Variants in MTUS1 observed in about 807,000 individuals in gnomAD.
The protein encoded by MTUS1 is microtubule associated scaffold protein 1, also known as microtubule-associated tumor suppressor 1.
MTUS1 carries 109 observed loss-of-function variants against 120.8 expected under a neutral mutation model. The observed-to-expected ratio is 0.90, with a 90% CI of 0.77 to 1.06. The LOEUF (loss-of-function observed/expected upper bound fraction) is 1.06, where lower values mean the gene tolerates loss of function less well. Among genes scored for constraint, MTUS1 ranks in the 50% least tolerant of loss-of-function variants. The pLI is 0.00. For missense variants in MTUS1, 2,210 were observed against 1,486.3 expected (o/e 1.49, Z -8.01); for synonymous variants, 737 against 550.5 (o/e 1.34, Z -4.74).
chr8:17,759,779 G>A (rs527723248), intron 1 of MTUS1, among the ~76,000 whole-genome samples: 4 of 151,412 alleles, frequency 2.6e-5, no homozygotes, highest in South Asian at 2.1e-4. Flanking sequence ...GTTGTGAAAC[G>A]CCACTAAAGT....
chr8:17,789,658 C>T (rs997458597), intron 1 of MTUS1, among the ~76,000 whole-genome samples: 3 of 152,152 alleles, frequency 2.0e-5, no homozygotes, highest in African/African-American at 7.2e-5. Context: ...TATTAAACAT[C>T]GACTTCCTGC....
chr8:17,665,352 C>T (rs1810665193), intron 8 of MTUS1, among the ~76,000 whole-genome samples: 2 of 152,328 alleles, frequency 1.3e-5, no homozygotes, highest in African/African-American at 4.8e-5. Context: ...TCAATCCTCC[C>T]ATAAATGCCA....
chr8:17,658,761 G>A (rs891007957), intron 8 of MTUS1, among the ~76,000 whole-genome samples: 1 of 152,120 alleles, frequency 6.6e-6, no homozygotes. Flanking sequence ...AGGTTCTTAG[G>A]AAGATTTCCT....
intron 7 of MTUS1, chr8:17,676,144 C>T (rs973513184): frequency 1.5e-6 from 1 of 662,906 alleles, no homozygotes; most frequent in East Asian, 2.7e-5. Flanking sequence ...CACAGCGTTG[C>T]AGAGATCATG....
intron 13 of MTUS1, among the ~76,000 whole-genome samples, chr8:17,648,054 G>A (rs745615135): frequency 1.3e-5 from 2 of 152,134 alleles, no homozygotes; most frequent in Non-Finnish European, 2.9e-5. Flanking sequence ...ATAAAACAAC[G>A]TGGAAAAAAA....
intron 3 of MTUS1, among the ~76,000 whole-genome samples, chr8:17,725,163 C>T (rs2046135640): frequency 6.6e-6 from 1 of 152,158 alleles, no homozygotes; most frequent in Non-Finnish European, 1.5e-5. Flanking sequence ...ACCAGTACCA[C>T]CTAACTGAAG....
intron 8 of MTUS1, among the ~76,000 whole-genome samples, chr8:17,663,606 T>TTTTG (rs554707704): frequency 0.062 from 5,488 of 88,940 alleles, 225 homozygotes; most frequent in South Asian, 0.17. Flanking sequence ...TTTTGTTTTG[T>TTTTG]TTTTTTTGAG....
Position 17,754,413 on chromosome 8 carries a change from T to C in MTUS1, c.1395A>G (p.Pro465=). The C allele has an allele frequency of 1.2e-6, 2 of 1,614,198 alleles. No homozygotes were observed. Among genetic ancestry groups the C allele is most frequent in the Non-Finnish European group, 1.7e-6 (2 of 1,180,032 alleles). ...EKGNRGLKNI[P]DSKEAPVNLC... is the part of the protein sequence containing the mutation. ...GGTTCACAGGTGCCTCCTTCGAGTCTGGTATGTTTTTAAGCCCTCGATTAC... is the reference window on the plus strand; with the variant it reads ...GGTTCACAGGTGCCTCCTTCGAGTCCGGTATGTTTTTAAGCCCTCGATTAC... Residue 465 remains proline, a synonymous_variant, in exon 2 of 15, where the codon CCA becomes CCG. Transcript: ENST00000693296.
At chr8:17,732,713 T>C (rs2046671917) in intron 3 of MTUS1, among the ~76,000 whole-genome samples, 1 of 152,130 alleles carries the variant, frequency 6.6e-6, no homozygotes, top group South Asian at 2.1e-4. Context: ...CCACCATCCA[T>C]TCCCATCTCA....
intron 1 of MTUS1, among the ~76,000 whole-genome samples, chr8:17,794,285 G>A (rs573543700): frequency 2.5e-4 from 38 of 151,870 alleles, no homozygotes; most frequent in African/African-American, 8.7e-4. Context: ...CCAAGATCAC[G>A]CCACTGCACT....
chr8:17,754,251 C>T lies in MTUS1; in HGVS notation c.1557G>A (p.Val519=). 1 of 1,614,060 alleles carries T rather than the reference C, an allele frequency of 6.2e-7. No homozygotes were observed. Among genetic ancestry groups the T allele is most frequent in the Middle Eastern group, 1.6e-4 (1 of 6,062 alleles). ...ATAAAGCAGCATCTTTGGGCTGCAA[C>T]ACTGCTCTAGACATAACTTTTGCTT... ...NVKAKVMSRA[V]LQPKDAALSK... The change falls in exon 2 of 15, where the codon GTG becomes GTA. Residue 519 remains valine (V), a synonymous_variant. Coordinates refer to ENST00000693296, the MANE Select transcript of MTUS1 (RefSeq NM_001363059.2).
At chr8:17,722,392 G>C in intron 4 of MTUS1, 2 of 983,992 alleles carry the variant, frequency 2.0e-6, no homozygotes, top group Non-Finnish European at 2.4e-6. Context: ...AAGACAAAGA[G>C]AGCTTAAAAT....
chr8:17,648,484 A>G (rs896112708), intron 13 of MTUS1, among the ~76,000 whole-genome samples: 1 of 152,234 alleles, frequency 6.6e-6, no homozygotes, highest in African/African-American at 2.4e-5. Context: ...GGATCATCTG[A>G]GTCATCCCTG....
At chr8:17,766,487 G>C (rs2049501041) in intron 1 of MTUS1, among the ~76,000 whole-genome samples, 1 of 152,124 alleles carries the variant, frequency 6.6e-6, no homozygotes, top group Non-Finnish European at 1.5e-5. Flanking sequence ...TGCACCATTT[G>C]GGAGTTATTT....
At chr8:17,796,281 T>A (rs2052225428) in intron 1 of MTUS1, among the ~76,000 whole-genome samples, 1 of 152,310 alleles carries the variant, frequency 6.6e-6, no homozygotes, top group African/African-American at 2.4e-5. Flanking sequence ...ATGGGCCTGC[T>A]AGCAAGATTT....
In MTUS1 at chr8:17,755,947, A is replaced by G; in HGVS notation, c.-140T>C. The G allele has an allele frequency of 7.0e-7, 1 of 1,429,160 alleles. No individual in the cohort carries two copies. The allele number at this position is 1,429,160 out of a possible 1,614,324, so 88.5% of individuals were successfully genotyped here. On this transcript the variant is annotated 5_prime_UTR_variant, in exon 2 of 15. Coordinates refer to ENST00000693296, the MANE Select transcript of MTUS1 (RefSeq NM_001363059.2). Reference sequence around the variant, plus strand: ...CAGTCTAAGATGCTCTGAAGATTAAATGATTTGTTGTTCCCTGGAAGAAAT... The same window carrying G: ...CAGTCTAAGATGCTCTGAAGATTAAGTGATTTGTTGTTCCCTGGAAGAAAT...
At chr8:17,746,873 A>C (rs940271463) in intron 2 of MTUS1, among the ~76,000 whole-genome samples, 15 of 152,186 alleles carry the variant, frequency 9.9e-5, no homozygotes, top group African/African-American at 3.6e-4. Flanking sequence ...TTCTAAAATT[A>C]ATCTTACTTT....
chr8:17,739,356 G>C (rs2047149250), intron 3 of MTUS1, among the ~76,000 whole-genome samples: 1 of 151,998 alleles, frequency 6.6e-6, no homozygotes, highest in Non-Finnish European at 1.5e-5. Context: ...AGCCAGGTGT[G>C]GTGGTTCATG....
chr8:17,656,475 C>G (rs189898330), intron 8 of MTUS1, among the ~76,000 whole-genome samples: 160 of 151,724 alleles, frequency 1.1e-3, no homozygotes, highest in Non-Finnish European at 1.8e-3. Flanking sequence ...TTGTAGTGAG[C>G]CAAGATCACG....
Sources: gnomAD v4.1 joint callset for allele counts (sites outside exome capture counted in the v4.1 genomes callset) on GRCh38, gnomAD v4.1.1 for gene constraint, MANE v1.5 for transcripts, NCBI Gene and HGNC (gene_info 2026-07-23, HGNC 2026-07-21) for gene names.